The following DTWD2 variants were observed in gnomAD, a reference collection of about 807,000 sequenced individuals.
DTWD2 encodes DTW motif tRNA-uridine aminocarboxypropyltransferase 2.
DTWD2 carries 39 observed loss-of-function variants against 31.8 expected under a neutral mutation model. The ratio of observed to expected loss-of-function variants is 1.22; its 90% CI spans 0.95 to 1.60. The LOEUF (loss-of-function observed/expected upper bound fraction) is 1.60, where lower values mean the gene tolerates loss of function less well. Among genes scored for constraint, DTWD2 ranks in the 40% most tolerant of loss-of-function variants. The probability of loss-of-function intolerance (pLI) is 0.00; values close to 1 mark genes in which losing one functional copy is unlikely to be tolerated. For missense variants in DTWD2, 515 were observed against 381.5 expected (o/e 1.35, Z -2.92); for synonymous variants, 180 against 142.8 (o/e 1.26, Z -1.86).
intron 4 of DTWD2, among the ~76,000 whole-genome samples, chr5:118,883,333 G>A (rs1752785330): frequency 6.6e-6 from 1 of 152,160 alleles, no homozygotes; most frequent in Non-Finnish European, 1.5e-5. Flanking sequence ...TCTCTAGGAA[G>A]TCCCAAATTT....
intron 4 of DTWD2, among the ~76,000 whole-genome samples, chr5:118,905,077 C>A (rs1297325004): frequency 6.6e-6 from 1 of 152,124 alleles, no homozygotes; most frequent in Non-Finnish European, 1.5e-5. Flanking sequence ...CCTCTGCTAA[C>A]AACTGCATAT....
At chr5:118,986,066 T>C (rs1248727348) in intron 1 of DTWD2, among the ~76,000 whole-genome samples, 4 of 152,168 alleles carry the variant, frequency 2.6e-5, no homozygotes, top group African/African-American at 4.8e-5. Flanking sequence ...ACAACTGAAT[T>C]TTACCAAGTA....
intron 4 of DTWD2, among the ~76,000 whole-genome samples, chr5:118,919,656 T>A (rs113348830): frequency 1.8e-3 from 280 of 152,320 alleles, no homozygotes; most frequent in African/African-American, 6.4e-3. Context: ...ATAAGGTTCA[T>A]AACAAGGGAA....
chr5:118,963,363 CAG>C (rs1754748405), intron 1 of DTWD2, among the ~76,000 whole-genome samples: 1 of 152,070 alleles, frequency 6.6e-6, no homozygotes, highest in Non-Finnish European at 1.5e-5. Context: ...GACAGAATAA[CAG>C]AACAAAGGCA....
intron 1 of DTWD2, among the ~76,000 whole-genome samples, chr5:118,952,716 T>C (rs577060575): frequency 9.8e-5 from 15 of 152,312 alleles, no homozygotes; most frequent in Non-Finnish European, 1.3e-4. Flanking sequence ...TGGAAGTGGT[T>C]AGATTCTCAG....
At chr5:118,974,098 G>A in intron 1 of DTWD2, 1 of 1,597,398 alleles carries the variant, frequency 6.3e-7, no homozygotes, top group Non-Finnish European at 8.5e-7. Flanking sequence ...TCGATACCAA[G>A]AAGCAGAAGA....
chr5:118,988,182 C>A lies in DTWD2; in HGVS notation c.218+112G>T, dbSNP rs554792048. On this transcript the variant is annotated intron_variant, in intron 1 of 5. Coordinates refer to ENST00000510708, the MANE Select transcript of DTWD2 (RefSeq NM_173666.4). ...ATTTCCAACGTGCACCCGCCAACTCCGCCGCCCTAATCGCAGAGCTGCCCG... is the reference window on the plus strand; with the variant it reads ...ATTTCCAACGTGCACCCGCCAACTCAGCCGCCCTAATCGCAGAGCTGCCCG... 6 of 1,350,304 alleles carry A rather than the reference C, an allele frequency of 4.4e-6. 1 individual carries two copies. Among genetic ancestry groups the A allele is most frequent in the South Asian group, 3.7e-5 (3 of 80,478 alleles). The allele number at this position is 1,350,304 out of a possible 1,614,324, so 83.6% of individuals were successfully genotyped here. A position where few individuals can be genotyped will look rare whatever the true frequency, so the allele number is the denominator to read the frequency against.
At chr5:118,940,642 T>C (rs1754157863) in intron 2 of DTWD2, among the ~76,000 whole-genome samples, 1 of 152,160 alleles carries the variant, frequency 6.6e-6, no homozygotes, top group Non-Finnish European at 1.5e-5. Context: ...CTAAGTACAA[T>C]ACAAAGAGAG....
chr5:118,861,834 G>C lies in DTWD2; in HGVS notation c.598-13616C>G, dbSNP rs563636086. On this transcript the variant is annotated intron_variant, in intron 4 of 5. Coordinates refer to ENST00000510708, the MANE Select transcript of DTWD2 (RefSeq NM_173666.4). ...AAAATGGACTGATAGAGAGTAACTG[G>C]AGAGGCTCAATTAGAACGACTCTGC... Among the ~76,000 whole-genome samples the C allele has an allele frequency of 2.6e-5, 4 of 152,294 alleles. No homozygotes were observed. The South Asian group carries it at 8.3e-4, about 32-fold the overall frequency.
At chr5:118,894,945 G>A (rs11741257) in intron 4 of DTWD2, among the ~76,000 whole-genome samples, 5,711 of 152,106 alleles carry the variant, frequency 0.038, 150 homozygotes, top group Non-Finnish European at 0.055. Flanking sequence ...AGTAAGAACT[G>A]GAACAAGACA....
At chr5:118,952,498 G>A (rs565658354) in intron 1 of DTWD2, among the ~76,000 whole-genome samples, 9 of 152,232 alleles carry the variant, frequency 5.9e-5, no homozygotes, top group African/African-American at 2.2e-4. Flanking sequence ...GGTGCTCAGT[G>A]GGGGAGCGTC....
At chr5:118,907,102 T>G (rs1243886731) in intron 4 of DTWD2, among the ~76,000 whole-genome samples, 1 of 152,178 alleles carries the variant, frequency 6.6e-6, no homozygotes, top group Admixed American at 6.5e-5. Context: ...CATGCTCCAA[T>G]AGAAACTATG....
At chr5:118,926,552 G>A (rs1580413664) in intron 4 of DTWD2, among the ~76,000 whole-genome samples, 1 of 152,004 alleles carries the variant, frequency 6.6e-6, no homozygotes, top group African/African-American at 2.4e-5. Flanking sequence ...TTAAAAAAAA[G>A]AATTCATTGA....
chr5:118,880,696 A>C (rs1752722011), intron 4 of DTWD2, among the ~76,000 whole-genome samples: 1 of 152,150 alleles, frequency 6.6e-6, no homozygotes, highest in Non-Finnish European at 1.5e-5. Flanking sequence ...TTTTTTACAT[A>C]TAAAAATAAT....
At chr5:118,925,375 A>G (rs1021486646) in intron 4 of DTWD2, among the ~76,000 whole-genome samples, 3 of 152,254 alleles carry the variant, frequency 2.0e-5, no homozygotes, top group African/African-American at 7.2e-5. Flanking sequence ...GTAATAGAAC[A>G]TGAACAAAAA....
At chr5:118,851,861 G>T (rs191986571) in intron 4 of DTWD2, among the ~76,000 whole-genome samples, 84 of 150,112 alleles carry the variant, frequency 5.6e-4, no homozygotes, top group South Asian at 4.1e-3. Context: ...AAAGAAAAAA[G>T]AAAACAGGGT....
chr5:118,921,937 G>C (rs2149575725), intron 4 of DTWD2, among the ~76,000 whole-genome samples: 1 of 152,338 alleles, frequency 6.6e-6, no homozygotes, highest in Admixed American at 6.5e-5. Flanking sequence ...TCTCATAAAA[G>C]TGTTTTACCC....
intron 4 of DTWD2, among the ~76,000 whole-genome samples, chr5:118,851,735 T>C (rs1050146432): frequency 1.3e-5 from 2 of 150,694 alleles, no homozygotes; most frequent in Non-Finnish European, 3.0e-5. Context: ...ATACACCTAA[T>C]GTTAAATGAT....
At chr5:118,954,512 A>G (rs1349590125) in intron 1 of DTWD2, among the ~76,000 whole-genome samples, 2 of 151,608 alleles carry the variant, frequency 1.3e-5, no homozygotes, top group African/African-American at 4.9e-5. Context: ...CTGAATACAT[A>G]AAGGATTTTT....
Sources: allele counts gnomAD v4.1 joint callset (sites outside exome capture counted in the v4.1 genomes callset), GRCh38; gene constraint gnomAD v4.1.1; transcripts MANE v1.5; gene names NCBI Gene and HGNC (gene_info 2026-07-23, HGNC 2026-07-21).